PRKCZ: variants seen among roughly 807,000 people sequenced by gnomAD.
PRKCZ encodes protein kinase C zeta, also known as protein kinase C zeta type.
Under a neutral mutation model 79.5 loss-of-function variants are expected in PRKCZ, and 33 were observed. The ratio of observed to expected loss-of-function variants is 0.41; its 90% CI spans 0.31 to 0.55. The LOEUF (loss-of-function observed/expected upper bound fraction) is 0.55, where lower values mean the gene tolerates loss of function less well. PRKCZ is among the 20% of genes least tolerant of loss of function. The probability of loss-of-function intolerance (pLI) is 0.19; values close to 1 mark genes in which losing one functional copy is unlikely to be tolerated. For missense variants in PRKCZ, 578 were observed against 813.5 expected, an observed-to-expected ratio of 0.71 and a Z score of 3.52; for synonymous variants, 342 against 320.9, an observed-to-expected ratio of 1.07 and a Z score of -0.70.
At chr1:2,099,385 GC>G (rs938774337) in intron 4 of PRKCZ, among the ~76,000 whole-genome samples, 4 of 152,134 alleles carry the variant, frequency 2.6e-5, no homozygotes, top group African/African-American at 9.7e-5. Context: ...ATCCGGAACC[GC>G]CCCTTGCTAA....
chr1:2,180,948 TG>T (rs1352191774), intron 16 of PRKCZ, among the ~76,000 whole-genome samples: 1 of 152,188 alleles, frequency 6.6e-6, no homozygotes, highest in Non-Finnish European at 1.5e-5. Flanking sequence ...CCGGCTAGTA[TG>T]GCCAAAGTGG....
chr1:2,093,511 G>C (rs1006278997), intron 4 of PRKCZ, among the ~76,000 whole-genome samples: 1 of 152,114 alleles, frequency 6.6e-6, no homozygotes, highest in African/African-American at 2.4e-5. Context: ...AGGCAGGGTG[G>C]GGGTCTCCTT....
intron 11 of PRKCZ, chr1:2,171,753 C>T (rs1032294005): frequency 6.8e-5 from 25 of 365,118 alleles, no homozygotes; most frequent in African/African-American, 1.3e-4. Context: ...GCCATGGCTC[C>T]GGTCTTTCCC....
chr1:2,167,685 C>A (rs990316660), intron 10 of PRKCZ, among the ~76,000 whole-genome samples: 1 of 152,132 alleles, frequency 6.6e-6, no homozygotes, highest in African/African-American at 2.4e-5. Context: ...CTCACTGCAG[C>A]CTGTGCCTCC....
At chr1:2,066,214 G>A (rs1477272222) in intron 4 of PRKCZ, among the ~76,000 whole-genome samples, 1 of 152,190 alleles carries the variant, frequency 6.6e-6, no homozygotes, top group Non-Finnish European at 1.5e-5. Flanking sequence ...TGGCCTCACA[G>A]GATGAGTGAG....
At position 2,168,542 on chromosome 1, in the gene PRKCZ, G is replaced by A. The variant is rs1683783069; in HGVS notation, c.975-976G>A. On this transcript the variant is annotated intron_variant, in intron 10 of 17. Coordinates refer to ENST00000378567, the MANE Select transcript of PRKCZ (RefSeq NM_002744.6). This position sits in a 1 kb window ranked among gnomAD's most constrained non-coding sequence, Gnocchi z 4.7. The stretch of plus-strand genomic sequence containing the variant: ...CAATCAGAAACTTCACAGATGATTT[G>A]CAGCCAGTTCACCTGCCCTGTGTAA... 6.6e-6 allele frequency among the ~76,000 whole-genome samples: 1 copy of A among 152,212 alleles called. No individual in the cohort carries two copies. Among genetic ancestry groups the A allele is most frequent in the South Asian group, 2.1e-4 (1 of 4,834 alleles).
intron 4 of PRKCZ, among the ~76,000 whole-genome samples, chr1:2,103,352 T>G (rs1667824174): frequency 6.6e-6 from 1 of 152,166 alleles, no homozygotes. Flanking sequence ...TAGTAAGGGT[T>G]TATTTATCAA....
At chr1:2,118,136 A>C (rs1346646369) in intron 4 of PRKCZ, among the ~76,000 whole-genome samples, 1 of 150,422 alleles carries the variant, frequency 6.6e-6, no homozygotes, top group Non-Finnish European at 1.5e-5. Context: ...AGTTGGGATT[A>C]CAGGTGTGTG....
At chr1:2,132,064 G>C (rs916080445) in intron 4 of PRKCZ, among the ~76,000 whole-genome samples, 6 of 152,230 alleles carry the variant, frequency 3.9e-5, no homozygotes, top group Admixed American at 3.9e-4. Flanking sequence ...GCCCGCCTCG[G>C]CCTCCCAAAG....
intron 10 of PRKCZ, among the ~76,000 whole-genome samples, chr1:2,157,315 A>C (rs262656): frequency 0.24 from 36,199 of 152,172 alleles, 4,904 homozygotes; most frequent in Admixed American, 0.33. Flanking sequence ...TGCCCAGTCA[A>C]GGTGACCGTT....
chr1:2,113,872 C>G (rs1338769002), intron 4 of PRKCZ, among the ~76,000 whole-genome samples: 3 of 151,890 alleles, frequency 2.0e-5, no homozygotes, highest in African/African-American at 7.3e-5. Context: ...GAGAAGGGAC[C>G]GCAGTGCCCA....
intron 7 of PRKCZ, among the ~76,000 whole-genome samples, chr1:2,148,145 TG>T (rs1210827222): frequency 6.8e-6 from 1 of 147,824 alleles, no homozygotes; most frequent in Non-Finnish European, 1.5e-5. Flanking sequence ...TCTATCCATC[TG>T]TCTGTTGTCC....
intron 1 of PRKCZ, among the ~76,000 whole-genome samples, chr1:2,052,468 C>T (rs1460216875): frequency 6.7e-6 from 1 of 150,300 alleles, no homozygotes; most frequent in Non-Finnish European, 1.5e-5. Flanking sequence ...CCCTCCTCTT[C>T]CCGCTCTCCC....
At chr1:2,130,025 C>T (rs1465937336) in intron 4 of PRKCZ, among the ~76,000 whole-genome samples, 2 of 152,174 alleles carry the variant, frequency 1.3e-5, no homozygotes, top group African/African-American at 4.8e-5. Flanking sequence ...ACCTCAGCCT[C>T]CCGAGTAGCT....
intron 1 of PRKCZ, among the ~76,000 whole-genome samples, chr1:2,053,506 G>T (rs1659886051): frequency 6.6e-6 from 1 of 152,220 alleles, no homozygotes; most frequent in East Asian, 1.9e-4. Flanking sequence ...CCAGCTGGCT[G>T]CTGGGTGCTG....
chr1:2,066,914 A>G (rs1188157495), intron 4 of PRKCZ, among the ~76,000 whole-genome samples: 1 of 152,202 alleles, frequency 6.6e-6, no homozygotes, highest in Non-Finnish European at 1.5e-5. Flanking sequence ...GTTCATCACT[A>G]TAAATTTTCT....
At position 2,125,280 on chromosome 1, in the gene PRKCZ, G is replaced by T. The variant is rs991752563; in HGVS notation, c.335-9982G>T. Among the ~76,000 whole-genome samples, 1 of 152,196 alleles carries T rather than the reference G, an allele frequency of 6.6e-6. No individual in the cohort carries two copies. Among genetic ancestry groups the T allele is most frequent in the African/African-American group, 2.4e-5 (1 of 41,458 alleles). ...GGAAGTTGGCGTACATCTTTCCACGGAAACTATGAAAATACTGGTCAGCCT... is the reference window on the plus strand; with the variant it reads ...GGAAGTTGGCGTACATCTTTCCACGTAAACTATGAAAATACTGGTCAGCCT... On this transcript the variant is annotated intron_variant, in intron 4 of 17. Coordinates refer to ENST00000378567, the MANE Select transcript of PRKCZ (RefSeq NM_002744.6). This position sits in a 1 kb window ranked among gnomAD's most constrained non-coding sequence, Gnocchi z 4.2.
chr1:2,067,379 C>T (rs868731132), intron 4 of PRKCZ, among the ~76,000 whole-genome samples: 1 of 152,186 alleles, frequency 6.6e-6, no homozygotes, highest in East Asian at 1.9e-4. Flanking sequence ...GCGATTCACC[C>T]TGTCTGTCCG....
At chr1:2,106,542 CCACACG>C (rs1668497637) in intron 4 of PRKCZ, among the ~76,000 whole-genome samples, 1 of 49,106 alleles carries the variant, frequency 2.0e-5, no homozygotes. Flanking sequence ...GCGAGGACCT[CCACACG>C]TGTCACCAGG....
Sources: allele counts gnomAD v4.1 joint callset (sites outside exome capture counted in the v4.1 genomes callset), GRCh38; gene constraint gnomAD v4.1.1; non-coding constraint Gnocchi (gnomAD v3.1); transcripts MANE v1.5; gene names NCBI Gene and HGNC (gene_info 2026-07-23, HGNC 2026-07-21).